The following COP1 variants were observed in gnomAD, a reference collection of about 807,000 sequenced individuals.
The protein encoded by COP1 is E3 ubiquitin-protein ligase COP1.
COP1 carries 24 observed loss-of-function variants against 101.3 expected under a neutral mutation model. The observed-to-expected ratio is 0.24, with a 90% confidence interval of 0.17 to 0.33. The LOEUF is 0.33. Ranked by LOEUF, COP1 falls within the 10% of genes least tolerant of loss-of-function variation. The probability of loss-of-function intolerance (pLI) is 1.00; values close to 1 mark genes in which losing one functional copy is unlikely to be tolerated. For synonymous variants in COP1, 347 were observed against 341.9 expected, an observed-to-expected ratio of 1.01 and a Z score of -0.17; for missense variants, 663 against 906.2, an observed-to-expected ratio of 0.73 and a Z score of 3.45.
At chr1:176,050,148 AT>A (rs1307747884) in intron 11 of COP1, among the ~76,000 whole-genome samples, 1 of 152,150 alleles carries the variant, frequency 6.6e-6, no homozygotes, top group Non-Finnish European at 1.5e-5. Flanking sequence ...CATAAATTGC[AT>A]TTTTCTTTCA....
chr1:175,989,688 AAATC>A (rs1240232485), intron 15 of COP1, among the ~76,000 whole-genome samples: 2 of 152,236 alleles, frequency 1.3e-5, no homozygotes, highest in African/African-American at 2.4e-5. Context: ...GGAAACTTAA[AAATC>A]AATCTTTGTT....
intron 11 of COP1, among the ~76,000 whole-genome samples, chr1:176,070,832 T>C (rs888288123): frequency 6.6e-6 from 1 of 152,068 alleles, no homozygotes. Flanking sequence ...TTTTTTATTT[T>C]TGTAGAAATG....
At chr1:176,135,935 T>C (rs1163467425) in intron 7 of COP1, among the ~76,000 whole-genome samples, 2 of 61,024 alleles carry the variant, frequency 3.3e-5, no homozygotes, top group Non-Finnish European at 1.1e-4. Context: ...CAAAAAAAAA[T>C]TACAATACAT....
At chr1:176,013,069 C>T (rs1664970927) in intron 15 of COP1, among the ~76,000 whole-genome samples, 1 of 152,120 alleles carries the variant, frequency 6.6e-6, no homozygotes, top group African/African-American at 2.4e-5. Flanking sequence ...CACCTCCTCC[C>T]ATATACTTTA....
chr1:176,043,150 G>C, intron 14 of COP1, 36 bp downstream of exon 14: 2 of 1,276,832 alleles, frequency 1.6e-6, no homozygotes, highest in Non-Finnish European at 2.3e-6. Context: ...GAGGGCCAGG[G>C]AGAAGGAGGT....
At chr1:176,002,979 TAA>T (rs1662120900) in intron 15 of COP1, among the ~76,000 whole-genome samples, 1 of 149,832 alleles carries the variant, frequency 6.7e-6, no homozygotes, top group African/African-American at 2.4e-5. Context: ...ACCAACAGTG[TAA>T]AAGTGTTCCT....
chr1:176,107,147 A>G (rs1162080810), intron 9 of COP1, among the ~76,000 whole-genome samples: 6 of 152,158 alleles, frequency 3.9e-5, no homozygotes. Context: ...CAGTAATCAA[A>G]CACAGTGATT....
chr1:176,133,222 A>ATG lies in COP1; in HGVS notation c.968+1787_968+1788insCA, dbSNP rs1330686073. ...TGTACGTATGTACACACATACGTAT[A>ATG]TACGTACGTATATGTACGTAGGTAC... is the stretch of plus-strand genomic sequence containing the variant. On this transcript the variant is annotated intron_variant, in intron 8 of 19. Coordinates refer to ENST00000367669, the MANE Select transcript of COP1 (RefSeq NM_022457.7). 4.7e-4 allele frequency among the ~76,000 whole-genome samples: 26 copies of ATG among 55,734 alleles called. 1 individual carries two copies. Among genetic ancestry groups the ATG allele is most frequent in the South Asian group, 2.3e-3 (5 of 2,152 alleles). The allele number at this position is 55,734 out of a possible 152,430, so 36.6% of individuals were successfully genotyped here.
At chr1:176,115,466 T>A (rs1653201662) in intron 9 of COP1, among the ~76,000 whole-genome samples, 1 of 148,328 alleles carries the variant, frequency 6.7e-6, no homozygotes, top group African/African-American at 2.5e-5. Flanking sequence ...AAATAAAAAA[T>A]GGCTGAGCAC....
chr1:176,095,680 G>GAAAA (rs60886371), intron 9 of COP1, among the ~76,000 whole-genome samples: 2 of 87,558 alleles, frequency 2.3e-5, no homozygotes. Context: ...CCCTGTCTCA[G>GAAAA]AAAAAAAAAA....
intron 18 of COP1, among the ~76,000 whole-genome samples, chr1:175,962,622 A>T (rs1014894458): frequency 1.3e-5 from 2 of 152,184 alleles, no homozygotes; most frequent in Non-Finnish European, 2.9e-5. Flanking sequence ...TTGAATATCA[A>T]ATAAATTTGT....
chr1:176,115,002 G>A lies in COP1; in HGVS notation c.1026+1622C>T, dbSNP rs188102145. ...AAACAATCCAGAAAAGAAATTATAC[G>A]CATATATAGGTAAAAGAAAGGCTGA... On this transcript the variant is annotated intron_variant, in intron 9 of 19. Transcript: ENST00000367669. Among the ~76,000 whole-genome samples the A allele has an allele frequency of 1.1e-3, 164 of 152,172 alleles. 2 individuals carry two copies. The highest frequency in any genetic ancestry group is 6.2e-4 in the South Asian group (3 of 4,828).
intron 15 of COP1, among the ~76,000 whole-genome samples, chr1:175,992,445 T>C (rs561988948): frequency 6.9e-4 from 105 of 152,278 alleles, no homozygotes; most frequent in African/African-American, 2.5e-3. Flanking sequence ...GGGTGAGGCA[T>C]TGCCTCACTC....
At chr1:176,056,789 ATTTC>A (rs1406567304) in intron 11 of COP1, among the ~76,000 whole-genome samples, 2 of 152,046 alleles carry the variant, frequency 1.3e-5, no homozygotes, top group Non-Finnish European at 2.9e-5. Flanking sequence ...TGACCATCTG[ATTTC>A]TTTCTTTTGT....
At chr1:176,181,872 AAC>A in intron 2 of COP1, among the ~76,000 whole-genome samples, 1 of 152,030 alleles carries the variant, frequency 6.6e-6, no homozygotes, top group African/African-American at 2.4e-5. Flanking sequence ...TAAACAAAAA[AAC>A]ACACGTTCTC....
At chr1:176,059,257 C>T (rs961691245) in intron 11 of COP1, among the ~76,000 whole-genome samples, 2 of 152,186 alleles carry the variant, frequency 1.3e-5, no homozygotes, top group Admixed American at 6.5e-5. Context: ...ACATTATTCT[C>T]TCCCTCTTAA....
chr1:175,992,037 G>A (rs573071290), intron 15 of COP1, among the ~76,000 whole-genome samples: 87 of 152,298 alleles, frequency 5.7e-4, no homozygotes, highest in Non-Finnish European at 8.4e-4. Flanking sequence ...ATCAAGTATT[G>A]TGTAGTATAC....
chr1:176,027,195 A>G (rs1191970363), intron 15 of COP1, among the ~76,000 whole-genome samples: 1 of 152,192 alleles, frequency 6.6e-6, no homozygotes, highest in African/African-American at 2.4e-5. Context: ...ATAATTGTTG[A>G]AAGAATAGTT....
chr1:175,967,944 T>C (rs1652404795), intron 18 of COP1, among the ~76,000 whole-genome samples: 1 of 152,168 alleles, frequency 6.6e-6, no homozygotes, highest in Non-Finnish European at 1.5e-5. Context: ...CGCAGCTCAC[T>C]GCAACCTTCG....
Sources: allele counts gnomAD v4.1 joint callset (sites outside exome capture counted in the v4.1 genomes callset), GRCh38; gene constraint gnomAD v4.1.1; transcripts MANE v1.5; gene names NCBI Gene and HGNC (gene_info 2026-07-23, HGNC 2026-07-21).